The following DRC10 variants were observed in gnomAD, a reference collection of about 807,000 sequenced individuals.
The protein encoded by DRC10 is dynein regulatory complex subunit 10, also known as IQ domain-containing protein D.
At chr12:113,202,307 G>A in the DRC10 span, among the ~76,000 whole-genome samples, 1 of 152,138 alleles carries the variant, frequency 6.6e-6, no homozygotes. Flanking sequence ...CACAAAGTCA[G>A]GTGAATGTTA....
chr12:113,201,850 C>A, the DRC10 span, among the ~76,000 whole-genome samples: 1 of 152,206 alleles, frequency 6.6e-6, no homozygotes, highest in Non-Finnish European at 1.5e-5. Context: ...ATCCTGCAGG[C>A]AAGGCTTTAG....
chr12:113,200,828 G>A, the DRC10 span: 1 of 1,514,588 alleles, frequency 6.6e-7, no homozygotes, highest in African/African-American at 1.4e-5. Context: ...GCCAGGAAGA[G>A]AAAGGGCTCC....
chr12:113,217,478 A>T, the DRC10 span, among the ~76,000 whole-genome samples: 1 of 152,194 alleles, frequency 6.6e-6, no homozygotes, highest in African/African-American at 2.4e-5. Context: ...CACTCCCCCC[A>T]AATTCCCATG....
chr12:113,208,123 G>C, the DRC10 span: 1 of 1,614,194 alleles, frequency 6.2e-7, no homozygotes, highest in Non-Finnish European at 8.5e-7. Flanking sequence ...GTTGATGGCA[G>C]GGGCCTGATA....
chr12:113,203,777 A>ATTTTTTTT, the DRC10 span, among the ~76,000 whole-genome samples: 16 of 96,970 alleles, frequency 1.6e-4, no homozygotes, highest in Non-Finnish European at 2.3e-4. Flanking sequence ...TGCCCAGCTA[A>ATTTTTTTT]TTTTTTTTTT....
chr12:113,217,689 G>A, the DRC10 span, among the ~76,000 whole-genome samples: 1 of 152,146 alleles, frequency 6.6e-6, no homozygotes, highest in Non-Finnish European at 1.5e-5. Flanking sequence ...GTGTTACCAC[G>A]CTTGGCTAAT....
the DRC10 span, chr12:113,200,169 C>T: frequency 2.9e-6 from 1 of 346,650 alleles, no homozygotes; most frequent in South Asian, 2.3e-5. Context: ...GGTGTGAAAT[C>T]GGCAGCTGGG....
chr12:113,200,519 G>T, the DRC10 span: 1 of 1,116,340 alleles, frequency 9.0e-7, no homozygotes, highest in East Asian at 2.6e-5. Context: ...TGATGGAACA[G>T]TCCCACCCAT....
the DRC10 span, among the ~76,000 whole-genome samples, chr12:113,210,214 C>T: frequency 3.9e-5 from 6 of 152,188 alleles, no homozygotes; most frequent in Admixed American, 1.3e-4. Context: ...ATATTGCTTT[C>T]ATAGTACAAT....
chr12:113,207,128 A>G, the DRC10 span: 1 of 397,724 alleles, frequency 2.5e-6, no homozygotes, highest in African/African-American at 2.1e-5. Context: ...CAGGAGGATC[A>G]CTTGAGGTCA....
the DRC10 span, among the ~76,000 whole-genome samples, chr12:113,209,783 C>T: frequency 6.6e-6 from 1 of 152,190 alleles, no homozygotes; most frequent in African/African-American, 2.4e-5. Context: ...ACTATCTTTG[C>T]AACTTTTCTA....
At chr12:113,196,009 C>A in the DRC10 span, 1 of 1,409,536 alleles carries the variant, frequency 7.1e-7, no homozygotes, top group Non-Finnish European at 9.3e-7. Context: ...CTAAGCTAAG[C>A]TGTTCAGCAT....
At chr12:113,195,617 C>T in the DRC10 span, 1 of 1,611,030 alleles carries the variant, frequency 6.2e-7, no homozygotes, top group Non-Finnish European at 8.5e-7. Context: ...TCTGCTTGCC[C>T]TTCTCCTTGT....
At chr12:113,217,057 C>G in the DRC10 span, among the ~76,000 whole-genome samples, 1 of 152,176 alleles carries the variant, frequency 6.6e-6, no homozygotes, top group African/African-American at 2.4e-5. Flanking sequence ...CCACTGCACT[C>G]CAGCCTGGGC....
chr12:113,208,108 A>G, the DRC10 span: 4 of 1,614,090 alleles, frequency 2.5e-6, no homozygotes, highest in African/African-American at 2.7e-5. Context: ...CTTTGGCCCT[A>G]TTCTGTTGAT....
the DRC10 span, among the ~76,000 whole-genome samples, chr12:113,210,366 G>A: frequency 1.6e-4 from 25 of 152,146 alleles, no homozygotes; most frequent in Admixed American, 9.2e-4. Context: ...AAGCCTGCAC[G>A]CTGTAAAAAA....
At chr12:113,202,577 G>T in the DRC10 span, among the ~76,000 whole-genome samples, 1 of 152,128 alleles carries the variant, frequency 6.6e-6, no homozygotes, top group Non-Finnish European at 1.5e-5. Flanking sequence ...CTCTCTGCTG[G>T]GTGTGGCTAC....
At chr12:113,201,776 C>T in the DRC10 span, among the ~76,000 whole-genome samples, 3 of 152,336 alleles carry the variant, frequency 2.0e-5, no homozygotes, top group South Asian at 4.1e-4. Flanking sequence ...GCAGCAGGCC[C>T]GCCGGGCATC....
the DRC10 span, chr12:113,195,949 CCT>C: frequency 2.7e-4 from 420 of 1,533,284 alleles, 2 homozygotes; most frequent in East Asian, 8.9e-3. Flanking sequence ...CACCCTCCTC[CCT>C]GAGGCCCCCT....
Sources: allele counts gnomAD v4.1 joint callset (sites outside exome capture counted in the v4.1 genomes callset), GRCh38; gene constraint gnomAD v4.1.1; transcripts MANE v1.5; gene names NCBI Gene and HGNC (gene_info 2026-07-23, HGNC 2026-07-21).